The following DAPK2 variants were observed in gnomAD, a reference collection of about 807,000 sequenced individuals.
DAPK2 encodes death-associated protein kinase 2.
Under a neutral mutation model 44.1 loss-of-function variants are expected in DAPK2, and 35 were observed. The ratio of observed to expected loss-of-function variants is 0.79; its 90% CI spans 0.61 to 1.05. DAPK2 has a LOEUF of 1.05. Ranked by LOEUF, DAPK2 falls within the 50% of genes least tolerant of loss-of-function variation. DAPK2 has a pLI of 0.00. For missense variants in DAPK2, 453 were observed against 483.2 expected, an observed-to-expected ratio of 0.94 and a Z score of 0.59; for synonymous variants, 174 against 182.6, an observed-to-expected ratio of 0.95 and a Z score of 0.38.
At chr15:63,956,156 T>A (rs1009919206) in intron 3 of DAPK2, among the ~76,000 whole-genome samples, 10 of 152,194 alleles carry the variant, frequency 6.6e-5, no homozygotes, top group Admixed American at 6.5e-4. Flanking sequence ...TCCTTTTTCG[T>A]CTCTGATTTT....
intron 3 of DAPK2, among the ~76,000 whole-genome samples, chr15:63,945,442 C>T (rs930818472): frequency 1.3e-5 from 2 of 152,168 alleles, no homozygotes; most frequent in Non-Finnish European, 2.9e-5. Flanking sequence ...TGCCAGGCCC[C>T]GCACCACCAC....
chr15:64,027,401 C>CAA (rs544662137), intron 1 of DAPK2, among the ~76,000 whole-genome samples: 110 of 144,810 alleles, frequency 7.6e-4, no homozygotes, highest in Non-Finnish European at 1.4e-3. Context: ...AAAAACAAAA[C>CAA]AAAAAAAAAA....
intron 1 of DAPK2, among the ~76,000 whole-genome samples, chr15:64,027,051 C>A (rs1322015560): frequency 6.6e-6 from 1 of 152,082 alleles, no homozygotes; most frequent in Non-Finnish European, 1.5e-5. Context: ...CAAGACCAGC[C>A]TGGACAACAT....
At position 63,939,378 on chromosome 15, in the gene DAPK2, A is replaced by AC; in HGVS notation, c.454-18_454-17insG. The AC allele has an allele frequency of 3.2e-6, 5 of 1,546,798 alleles. No individual in the cohort carries two copies. The highest frequency in any genetic ancestry group is 1.7e-4 in the Middle Eastern group (1 of 5,758). Reference sequence around the variant, plus strand: ...GTTTTCTGGCTGGACAACAAAAAGTAGAAAAAAAAAAAAGGAAGGAAGAAA... The same window carrying AC: ...GTTTTCTGGCTGGACAACAAAAAGTACGAAAAAAAAAAAAGGAAGGAAGAAA... On this transcript the variant is annotated splice_polypyrimidine_tract_variant and intron_variant, in intron 3 of 10. Coordinates refer to ENST00000261891, the Ensembl canonical transcript of DAPK2. This position sits in a 1 kb window ranked among gnomAD's most constrained non-coding sequence, Gnocchi z 4.3.
chr15:64,033,854 G>T (rs1042327353), intron 1 of DAPK2, among the ~76,000 whole-genome samples: 2 of 151,748 alleles, frequency 1.3e-5, no homozygotes, highest in Non-Finnish European at 2.9e-5. Flanking sequence ...GGCAGAGCTT[G>T]CAGTGAGCCG....
chr15:63,962,212 T>C (rs889880213), intron 3 of DAPK2, among the ~76,000 whole-genome samples: 33 of 152,220 alleles, frequency 2.2e-4, no homozygotes. Flanking sequence ...TAAGGACTTC[T>C]CTACACTGTT....
upstream of DAPK2, among the ~76,000 whole-genome samples, chr15:64,042,267 C>T (rs332274): frequency 0.035 from 5,333 of 152,124 alleles, 303 homozygotes; most frequent in African/African-American, 0.12. This position sits in a 1 kb window ranked among gnomAD's most constrained non-coding sequence, Gnocchi z 4.7. Flanking sequence ...AGAAGCTCGA[C>T]GCCCCTCATC....
chr15:63,922,484 C>T (rs2079102463), intron 8 of DAPK2: 3 of 1,270,238 alleles, frequency 2.4e-6, no homozygotes, highest in South Asian at 4.5e-5. Flanking sequence ...CTGAGGGGTA[C>T]TCACTCTCTA....
rs141344942 is a variant in DAPK2, at chr15:63,964,948, G to C, written c.453+6475C>G. On this transcript the variant is annotated intron_variant, in intron 3 of 10. Transcript: ENST00000261891. ...CTCTGTCTCTCCAGGATTGGTCCCTGGTGCCTTATTTAGTTCATTTGGTGA... is the reference window on the plus strand; with the variant it reads ...CTCTGTCTCTCCAGGATTGGTCCCTCGTGCCTTATTTAGTTCATTTGGTGA... Among the ~76,000 whole-genome samples the C allele has an allele frequency of 6.8e-3, 1,033 of 152,224 alleles. 12 individuals carry two copies. Among genetic ancestry groups the C allele is most frequent in the African/African-American group, 0.024 (978 of 41,512 alleles).
intron 4 of DAPK2, among the ~76,000 whole-genome samples, chr15:63,936,643 CT>C (rs919985613): frequency 6.6e-6 from 1 of 151,572 alleles, no homozygotes; most frequent in Non-Finnish European, 1.5e-5. Flanking sequence ...CTCTTATTTC[CT>C]GTGAGACCAG....
In DAPK2 at chr15:63,951,960, C is replaced by T. The variant is rs565946232; in HGVS notation, c.454-12599G>A. Among the ~76,000 whole-genome samples, 4 of 152,312 alleles carry T rather than the reference C, an allele frequency of 2.6e-5. No individual in the cohort carries two copies. The East Asian group carries it at 7.7e-4, about 29-fold the overall frequency. On this transcript the variant is annotated intron_variant, in intron 3 of 10. Transcript: ENST00000261891. ...GCTCAGCAGAAGTTTGTACACAGGG[C>T]CAGGCGTGCTGGCTCATGCCTGTAA...
chr15:63,912,068 G>GCCCCCACCCAGTCCCCCCCCC lies in DAPK2; in HGVS notation c.948+39_948+40insGGGGGGGGGACTGGGTGGGGG. ...CTGGAGAGCCAGAAACCCCGCCCTA[G>GCCCCCACCCAGTCCCCCCCCC]CCCCCACCCTGTCCCCCGCCGCCCC... On this transcript the variant is annotated intron_variant, in intron 9 of 10. Transcript: ENST00000261891. The surrounding 1 kb of genome is among the most constrained non-coding windows in gnomAD (Gnocchi z 4.4). The GCCCCCACCCAGTCCCCCCCCC allele has an allele frequency of 1.5e-6, 2 of 1,312,410 alleles. No homozygotes were observed. The highest frequency in any genetic ancestry group is 2.2e-6 in the Non-Finnish European group (2 of 924,246). The allele number at this position is 1,312,410 out of a possible 1,614,324, so 81.3% of individuals were successfully genotyped here.
intron 3 of DAPK2, among the ~76,000 whole-genome samples, chr15:63,941,704 T>C (rs1193594231): frequency 6.6e-6 from 1 of 152,172 alleles, no homozygotes; most frequent in Non-Finnish European, 1.5e-5. Flanking sequence ...CCTCTGGAGA[T>C]TACTCTCAAC....
intron 1 of DAPK2, among the ~76,000 whole-genome samples, chr15:64,019,860 A>G (rs1268157792): frequency 6.6e-6 from 1 of 152,222 alleles, no homozygotes; most frequent in African/African-American, 2.4e-5. Flanking sequence ...TATGCGTTGT[A>G]TAACTACATC....
Position 63,939,441 on chromosome 15 carries a change from GTGTTTTGGC to G in DAPK2, c.454-89_454-81del, listed in dbSNP as rs796550158. On this transcript the variant is annotated intron_variant, in intron 3 of 10. Transcript: ENST00000261891. This position sits in a 1 kb window ranked among gnomAD's most constrained non-coding sequence, Gnocchi z 4.3. ...ACGGTAATTAAAGGCTGGTTGGTTC[GTGTTTTGGC>G]TTTGGGGTTTGGGGTGGGACTTGGT... 2.1e-6 allele frequency: 3 copies of G among 1,438,894 alleles called. No homozygotes were observed. 89.1% of individuals were successfully genotyped at this position (1,438,894 alleles called of 1,614,324 possible).
chr15:64,038,177 G>T (rs538817024), intron 1 of DAPK2, among the ~76,000 whole-genome samples: 4 of 152,284 alleles, frequency 2.6e-5, no homozygotes, highest in Non-Finnish European at 5.9e-5. Context: ...TGCCCACCCA[G>T]ACTCTAGTCC....
intron 1 of DAPK2, among the ~76,000 whole-genome samples, chr15:63,998,927 T>C (rs1425032902): frequency 6.6e-6 from 1 of 152,182 alleles, no homozygotes; most frequent in Non-Finnish European, 1.5e-5. Flanking sequence ...CACCAAATAT[T>C]GGAAGAAGGC....
chr15:63,937,443 C>T (rs2077192518), intron 4 of DAPK2, among the ~76,000 whole-genome samples: 1 of 152,182 alleles, frequency 6.6e-6, no homozygotes, highest in African/African-American at 2.4e-5. Flanking sequence ...CTCACACTAA[C>T]AGTCTAGTGT....
At chr15:64,023,888 A>C (rs1033172925) in intron 1 of DAPK2, among the ~76,000 whole-genome samples, 6 of 152,190 alleles carry the variant, frequency 3.9e-5, no homozygotes, top group Non-Finnish European at 8.8e-5. Flanking sequence ...GGGGTCAGAG[A>C]TGGCTTTTTG....
Sources: allele counts gnomAD v4.1 joint callset (sites outside exome capture counted in the v4.1 genomes callset), GRCh38; gene constraint gnomAD v4.1.1; non-coding constraint Gnocchi (gnomAD v3.1); transcripts MANE v1.5; gene names NCBI Gene and HGNC (gene_info 2026-07-23, HGNC 2026-07-21).